Variants in STOX1 observed in about 807,000 individuals in gnomAD.
The protein encoded by STOX1 is storkhead box 1.
STOX1 carries 57 observed loss-of-function variants against 74.8 expected under a neutral mutation model. That is an observed-to-expected ratio of 0.76 (90% CI 0.62 to 0.95). STOX1 has a LOEUF of 0.95. Among genes scored for constraint, STOX1 ranks in the 40% least tolerant of loss-of-function variants. STOX1 has a pLI of 0.00. For synonymous variants in STOX1, 375 were observed against 401.3 expected (o/e 0.93, Z 0.78); for missense variants, 1,010 against 1,117.0 (o/e 0.90, Z 1.37).
chr10:68,863,948 A>G (rs1330882738), intron 1 of STOX1, among the ~76,000 whole-genome samples: 1 of 148,730 alleles, frequency 6.7e-6, no homozygotes, highest in Non-Finnish European at 1.5e-5. Context: ...TCTCTGAGAC[A>G]AAGTCTCGCT....
chr10:68,856,004 GCTGTCAGTCAGAAATGGTGTA>G (rs1161377968), intron 1 of STOX1, among the ~76,000 whole-genome samples: 2 of 152,094 alleles, frequency 1.3e-5, no homozygotes, highest in Admixed American at 1.3e-4. Context: ...TGTGACCAGA[GCTGTCAGTCAGAAATGGTGTA>G]CTCAGCAGTC....
intron 1 of STOX1, among the ~76,000 whole-genome samples, chr10:68,865,108 AG>A: frequency 6.6e-6 from 1 of 152,234 alleles, no homozygotes; most frequent in African/African-American, 2.4e-5. Context: ...GGCAGCACAA[AG>A]AATATCATCC....
At chr10:68,846,392 C>G (rs188000113) in intron 1 of STOX1, among the ~76,000 whole-genome samples, 7 of 152,194 alleles carry the variant, frequency 4.6e-5, no homozygotes, top group Admixed American at 2.0e-4. Context: ...TCAGTTGATC[C>G]ACCTGCCCCG....
At chr10:68,865,611 T>C (rs1173675705) in intron 1 of STOX1, among the ~76,000 whole-genome samples, 5 of 152,154 alleles carry the variant, frequency 3.3e-5, no homozygotes, top group African/African-American at 7.2e-5. Flanking sequence ...ATCCTGCCAC[T>C]GCACTCCAGC....
At chr10:68,851,495 C>T (rs1276397041) in intron 1 of STOX1, among the ~76,000 whole-genome samples, 2 of 151,958 alleles carry the variant, frequency 1.3e-5, no homozygotes, top group Non-Finnish European at 2.9e-5. Context: ...GGTCTTTATG[C>T]ACTATATGAA....
At chr10:68,840,767 G>T (rs1330605999) in intron 1 of STOX1, among the ~76,000 whole-genome samples, 1 of 151,840 alleles carries the variant, frequency 6.6e-6, no homozygotes, top group Non-Finnish European at 1.5e-5. Flanking sequence ...TTGCCATGTT[G>T]CCCAGGCTTG....
intron 1 of STOX1, among the ~76,000 whole-genome samples, chr10:68,851,249 G>T (rs1054814232): frequency 6.6e-6 from 1 of 150,400 alleles, no homozygotes; most frequent in Non-Finnish European, 1.5e-5. Context: ...GTTGCAGTGA[G>T]CTGTCATTGT....
Position 68,827,667 on chromosome 10 carries a change from T to C in STOX1, c.44T>C (p.Val15Ala). 1 of 1,134,030 alleles carries C rather than the reference T, an allele frequency of 8.8e-7. No homozygotes were observed. The highest frequency in any genetic ancestry group is 4.9e-5 in the Admixed American group (1 of 20,456). 70.2% of individuals were successfully genotyped at this position (1,134,030 alleles called of 1,614,324 possible). A position where few individuals can be genotyped will look rare whatever the true frequency, so the allele number is the denominator to read the frequency against. Residue 15 changes from valine to alanine, a missense_variant, in exon 1 of 4, where the codon GTG becomes GCG. By Grantham distance (64) the Val-to-Ala change is moderately conservative. Coordinates refer to ENST00000298596, the MANE Select transcript of STOX1 (RefSeq NM_152709.5). ...VQLAPGSLAL[V>A]LCRLEAQKAA... is the part of the protein sequence containing the mutation. ...CTGGCGCCGGGCTCGCTGGCGCTAGTGCTGTGCCGGCTGGAGGCGCAGAAG... is the reference window on the plus strand; with the variant it reads ...CTGGCGCCGGGCTCGCTGGCGCTAGCGCTGTGCCGGCTGGAGGCGCAGAAG...
At position 68,828,835 on chromosome 10, in the gene STOX1, A is replaced by C. The variant is rs576433733; in HGVS notation, c.310+902A>C. On this transcript the variant is annotated intron_variant, in intron 1 of 3. Transcript: ENST00000298596. ...AAAACAAGTAGCGTCTCATCCCTTTAGCTGAATAGACAGGATTCCACCTTC... is the reference window on the plus strand; with the variant it reads ...AAAACAAGTAGCGTCTCATCCCTTTCGCTGAATAGACAGGATTCCACCTTC... The C allele has an allele frequency of 4.6e-5, 15 of 324,220 alleles. No homozygotes were observed. In the South Asian group the frequency reaches 1.2e-3, roughly 27 times the overall value. The allele number at this position is 324,220 out of a possible 1,614,324, so 20.1% of individuals were successfully genotyped here.
intron 1 of STOX1, among the ~76,000 whole-genome samples, chr10:68,848,551 G>A (rs1201756253): frequency 6.6e-6 from 1 of 152,204 alleles, no homozygotes; most frequent in Non-Finnish European, 1.5e-5. Flanking sequence ...TGAAACAGAT[G>A]ATAATACTAC....
chr10:68,832,792 C>G (rs571043741), intron 1 of STOX1, among the ~76,000 whole-genome samples: 2 of 151,988 alleles, frequency 1.3e-5, no homozygotes, highest in Non-Finnish European at 2.9e-5. Context: ...GAGACAGAGT[C>G]TTGCTCTCTT....
Position 68,885,368 on chromosome 10 carries a change from T to C in STOX1, c.1572T>C (p.Thr524=). ...QKTSDLKPSQ[T]GPKEKPFQKP... is the part of the protein sequence containing the mutation. ...CGAGTGATCTGAAACCCAGCCAGAC[T>C]GGACCAAAGGAAAAGCCTTTCCAAA... The change falls in exon 3 of 4, where the codon ACT becomes ACC. Residue 524 remains threonine (T), a synonymous_variant. Transcript: ENST00000298596. The C allele has an allele frequency of 6.2e-7, 1 of 1,614,214 alleles. No individual in the cohort carries two copies. The highest frequency in any genetic ancestry group is 8.5e-7 in the Non-Finnish European group (1 of 1,180,030).
chr10:68,871,609 G>A (rs1009290935), intron 1 of STOX1, among the ~76,000 whole-genome samples: 1 of 152,152 alleles, frequency 6.6e-6, no homozygotes, highest in Non-Finnish European at 1.5e-5. Context: ...CAGATAACCC[G>A]ATTACCCTTA....
chr10:68,870,990 A>G (rs1189693575), intron 1 of STOX1, among the ~76,000 whole-genome samples: 1 of 152,230 alleles, frequency 6.6e-6, no homozygotes, highest in Non-Finnish European at 1.5e-5. Context: ...TAAGCCACTA[A>G]GTTTGCTGTA....
chr10:68,888,073 GCGCGCACACA>G (rs1841007447), intron 3 of STOX1, among the ~76,000 whole-genome samples: 1 of 150,990 alleles, frequency 6.6e-6, no homozygotes, highest in Admixed American at 6.6e-5. Context: ...ACACACACAC[GCGCGCACACA>G]CGCACACACA....
At chr10:68,875,714 G>A (rs1423513216) in intron 1 of STOX1, among the ~76,000 whole-genome samples, 1 of 152,146 alleles carries the variant, frequency 6.6e-6, no homozygotes, top group East Asian at 1.9e-4. Flanking sequence ...TTGAGCTATT[G>A]TCACCAACTC....
In STOX1 at chr10:68,885,876, T is replaced by C. The variant is rs140568512; in HGVS notation, c.2080T>C (p.Leu694=). 5.0e-6 allele frequency: 8 copies of C among 1,614,094 alleles called. No individual in the cohort carries two copies. The highest frequency in any genetic ancestry group is 1.7e-5 in the Admixed American group (1 of 60,020). Residue 694 remains leucine, a synonymous_variant, in exon 3 of 4, where the codon TTA becomes CTA. Coordinates refer to ENST00000298596, the MANE Select transcript of STOX1 (RefSeq NM_152709.5). ...AARQDKDSEE[L]LRKGFVQDAE... ...AAGACAAGACAAAGACTCAGAAGAA[T>C]TATTGAGAAAAGGATTTGTCCAGGA...
chr10:68,892,583 C>G lies in STOX1; in HGVS notation c.2823-6C>G. The G allele has an allele frequency of 6.2e-7, 1 of 1,612,796 alleles. No individual in the cohort carries two copies. The highest frequency in any genetic ancestry group is 8.5e-7 in the Non-Finnish European group (1 of 1,178,942). On this transcript the variant is annotated splice_region_variant and splice_polypyrimidine_tract_variant and intron_variant, in intron 3 of 3. Transcript: ENST00000298596. ...CCAATAATTCTGTTATTTTTAATAT[C>G]TTTAGGACACAGAGTCTGGGATCTA...
chr10:68,831,367 A>G (rs1330544944), intron 1 of STOX1, among the ~76,000 whole-genome samples: 1 of 151,930 alleles, frequency 6.6e-6, no homozygotes, highest in Admixed American at 6.6e-5. Context: ...TTGTATTTTT[A>G]GTAGAGATGG....
Sources: gnomAD v4.1 joint callset for allele counts (sites outside exome capture counted in the v4.1 genomes callset) on GRCh38, gnomAD v4.1.1 for gene constraint, MANE v1.5 for transcripts, NCBI Gene and HGNC (gene_info 2026-07-23, HGNC 2026-07-21) for gene names.